Variants in CCSER1 observed in about 807,000 individuals in gnomAD.
The protein encoded by CCSER1 is coiled-coil serine rich protein 1, also known as serine-rich coiled-coil domain-containing protein 1.
In CCSER1, 41 loss-of-function variants were observed where a neutral mutation model predicts 82.0. That is an observed-to-expected ratio of 0.50 (90% CI 0.39 to 0.65). CCSER1 has a LOEUF of 0.65. Among genes scored for constraint, CCSER1 ranks in the 30% least tolerant of loss-of-function variants. CCSER1 has a pLI of 0.00. For synonymous variants in CCSER1, 414 were observed against 383.9 expected (o/e 1.08, Z -0.92); for missense variants, 1,119 against 1,064.2 (o/e 1.05, Z -0.72).
At chr4:90,774,802 A>G (rs1752686139) in intron 7 of CCSER1, among the ~76,000 whole-genome samples, 1 of 152,096 alleles carries the variant, frequency 6.6e-6, no homozygotes, top group Admixed American at 6.6e-5. Context: ...AACTAATTAA[A>G]GTAGGCAGTC....
intron 10 of CCSER1, among the ~76,000 whole-genome samples, chr4:91,296,441 G>T (rs1185767008): frequency 1.2e-5 from 1 of 81,202 alleles, no homozygotes; most frequent in Non-Finnish European, 2.2e-5. Context: ...AAACAGAAGT[G>T]TCTAACATTA....
chr4:91,003,167 G>C (rs1391560998), intron 9 of CCSER1, among the ~76,000 whole-genome samples: 1 of 152,180 alleles, frequency 6.6e-6, no homozygotes, highest in African/African-American at 2.4e-5. Context: ...GGGTGAAATG[G>C]ACTCTGTGAG....
At chr4:90,561,995 C>G (rs1372657859) in intron 5 of CCSER1, among the ~76,000 whole-genome samples, 2 of 151,952 alleles carry the variant, frequency 1.3e-5, no homozygotes, top group Non-Finnish European at 2.9e-5. Flanking sequence ...TTGAGACCAG[C>G]CTGGCCAACA....
chr4:90,792,444 C>G (rs1755390218), intron 7 of CCSER1, among the ~76,000 whole-genome samples: 1 of 152,084 alleles, frequency 6.6e-6, no homozygotes. Context: ...AAGCACTGCC[C>G]AATGTTATTC....
chr4:91,097,419 A>G (rs1164292392), intron 10 of CCSER1, among the ~76,000 whole-genome samples: 1 of 152,216 alleles, frequency 6.6e-6, no homozygotes, highest in Non-Finnish European at 1.5e-5. Flanking sequence ...TCACTTTTAT[A>G]TAATTTGCAT....
chr4:91,184,316 C>T (rs1199284224), intron 10 of CCSER1, among the ~76,000 whole-genome samples: 1 of 152,178 alleles, frequency 6.6e-6, no homozygotes, highest in Non-Finnish European at 1.5e-5. Context: ...TTGTTTACTG[C>T]AGGAATTGTA....
At chr4:91,549,031 A>G (rs945083058) in intron 10 of CCSER1, among the ~76,000 whole-genome samples, 2 of 151,804 alleles carry the variant, frequency 1.3e-5, no homozygotes, top group Admixed American at 6.6e-5. Flanking sequence ...GTTCTTGGAC[A>G]TTCTTTTCTG....
intron 4 of CCSER1, among the ~76,000 whole-genome samples, chr4:90,425,179 C>A (rs1462359420): frequency 6.6e-6 from 1 of 152,058 alleles, no homozygotes; most frequent in Non-Finnish European, 1.5e-5. Flanking sequence ...TATCTTTTAA[C>A]CCACTCTATA....
At chr4:91,364,142 TAA>T (rs568014903) in intron 10 of CCSER1, among the ~76,000 whole-genome samples, 9 of 152,108 alleles carry the variant, frequency 5.9e-5, no homozygotes, top group Admixed American at 2.0e-4. Flanking sequence ...CTATTAGTAT[TAA>T]GTCTTTAAAT....
chr4:90,823,892 T>C (rs2149796678), intron 8 of CCSER1, among the ~76,000 whole-genome samples: 1 of 152,122 alleles, frequency 6.6e-6, no homozygotes, highest in South Asian at 2.1e-4. Context: ...TAAAATTTAC[T>C]TTTTACTTTT....
chr4:90,465,755 T>C (rs1669272566), intron 4 of CCSER1, among the ~76,000 whole-genome samples: 1 of 152,196 alleles, frequency 6.6e-6, no homozygotes, highest in South Asian at 2.1e-4. Flanking sequence ...ACCTCTTTTG[T>C]TTACATAGTG....
intron 5 of CCSER1, among the ~76,000 whole-genome samples, chr4:90,483,764 C>T (rs1766495203): frequency 6.6e-6 from 1 of 152,190 alleles, no homozygotes; most frequent in Non-Finnish European, 1.5e-5. Context: ...ATGGGCTTCC[C>T]TTTGTGGATA....
chr4:90,252,703 T>C (rs1012026693), intron 1 of CCSER1, among the ~76,000 whole-genome samples: 1 of 151,920 alleles, frequency 6.6e-6, no homozygotes, highest in African/African-American at 2.4e-5. Flanking sequence ...CCTGTTGTGT[T>C]ATCAAATACT....
intron 10 of CCSER1, among the ~76,000 whole-genome samples, chr4:91,379,533 T>A (rs1750705831): frequency 1.3e-5 from 2 of 152,216 alleles, no homozygotes; most frequent in African/African-American, 2.4e-5. Context: ...TTCTAGTTTA[T>A]TTGCATAGAG....
intron 3 of CCSER1, among the ~76,000 whole-genome samples, chr4:90,346,561 T>C (rs1742386828): frequency 6.6e-6 from 1 of 152,080 alleles, no homozygotes; most frequent in Admixed American, 6.5e-5. Context: ...CAAGTAATGC[T>C]TGATTTTTAA....
At chr4:90,408,689 A>G (rs542198856) in intron 4 of CCSER1, among the ~76,000 whole-genome samples, 12 of 152,214 alleles carry the variant, frequency 7.9e-5, no homozygotes, top group Non-Finnish European at 1.6e-4. Flanking sequence ...GGGGAAAAAT[A>G]GAACAGAAAA....
intron 7 of CCSER1, among the ~76,000 whole-genome samples, chr4:90,798,046 T>G (rs997459698): frequency 2.0e-5 from 3 of 152,248 alleles, no homozygotes; most frequent in African/African-American, 4.8e-5. Flanking sequence ...GAAGTTCTCA[T>G]GGATAATACT....
intron 10 of CCSER1, among the ~76,000 whole-genome samples, chr4:91,306,234 G>C (rs1745066222): frequency 6.6e-6 from 1 of 151,890 alleles, no homozygotes; most frequent in Admixed American, 6.6e-5. Context: ...CTTCCTTCCA[G>C]AGTAGTAGGA....
intron 7 of CCSER1, among the ~76,000 whole-genome samples, chr4:90,725,497 TTTTAA>T (rs1363823083): frequency 2.0e-5 from 3 of 151,648 alleles, no homozygotes; most frequent in Admixed American, 6.6e-5. Flanking sequence ...TTATAGTGAC[TTTTAA>T]TTTACTCCTT....
Sources: allele counts gnomAD v4.1 joint callset (sites outside exome capture counted in the v4.1 genomes callset), GRCh38; gene constraint gnomAD v4.1.1; transcripts MANE v1.5; gene names NCBI Gene and HGNC (gene_info 2026-07-23, HGNC 2026-07-21).